The following HMCN1 variants were observed in gnomAD, a reference collection of about 807,000 sequenced individuals.
HMCN1 encodes hemicentin-1.
In HMCN1, 321 loss-of-function variants were observed where a neutral mutation model predicts 625.9. The ratio of observed to expected loss-of-function variants is 0.51; its 90% CI spans 0.47 to 0.56. The LOEUF is 0.56. Ranked by LOEUF, HMCN1 falls within the 20% of genes least tolerant of loss-of-function variation. The probability of loss-of-function intolerance (pLI) is 0.00; values close to 1 mark genes in which losing one functional copy is unlikely to be tolerated. For synonymous variants in HMCN1, 2,425 were observed against 2,417.6 expected, an observed-to-expected ratio of 1.00 and a Z score of -0.09; for missense variants, 6,588 against 6,887.3, an observed-to-expected ratio of 0.96 and a Z score of 1.54.
At chr1:185,763,861 A>G (rs1478057935) in intron 1 of HMCN1, among the ~76,000 whole-genome samples, 1 of 152,214 alleles carries the variant, frequency 6.6e-6, no homozygotes, top group Non-Finnish European at 1.5e-5. Context: ...CATTTCTAAC[A>G]TTCTTGTATT....
At chr1:186,144,075 G>A in intron 89 of HMCN1, 98 bp from the exon 90 acceptor site, 3 of 996,976 alleles carry the variant, frequency 3.0e-6, no homozygotes, top group African/African-American at 3.2e-5. Flanking sequence ...TTAGATTGGG[G>A]ACTAATTAGC....
At position 185,893,579 on chromosome 1, in the gene HMCN1, T is replaced by C. The variant is rs556732752; in HGVS notation, c.622-15758T>C. Among the ~76,000 whole-genome samples the C allele has an allele frequency of 2.0e-3, 298 of 152,322 alleles. 1 individual carries two copies. In the Middle Eastern group the frequency reaches 0.027, roughly 14 times the overall value. ...GTGTGTGGTATATTGCCCAGCATCA[T>C]TGTAAATTTTGCTACCACGGAAACG... On this transcript the variant is annotated intron_variant, in intron 4 of 106. Coordinates refer to ENST00000271588, the MANE Select transcript of HMCN1 (RefSeq NM_031935.3).
rs184614927 is a variant in HMCN1 at position 185,971,801 on chromosome 1, G to T, written c.2371+1308G>T. The stretch of plus-strand genomic sequence containing the variant: ...TGTCTGGTGAACACTCTGCATTCTT[G>T]GTGATTATGCCCTTGGGGGAGAATC... On this transcript the variant is annotated intron_variant, in intron 15 of 106. Transcript: ENST00000271588. Among the ~76,000 whole-genome samples, 82 of 152,092 alleles carry T rather than the reference G, an allele frequency of 5.4e-4. 1 individual carries two copies. In the East Asian group the frequency reaches 0.013, roughly 24 times the overall value.
chr1:185,775,228 C>A (rs1439982901), intron 1 of HMCN1, among the ~76,000 whole-genome samples: 1 of 152,010 alleles, frequency 6.6e-6, no homozygotes, highest in Non-Finnish European at 1.5e-5. Context: ...ATAAAAACTT[C>A]AAGAATAAGT....
intron 4 of HMCN1, among the ~76,000 whole-genome samples, chr1:185,873,061 G>A (rs1160043562): frequency 1.3e-5 from 2 of 151,856 alleles, no homozygotes; most frequent in Middle Eastern, 3.2e-3. Context: ...GTTACTTAAG[G>A]GTAAACACTA....
intron 70 of HMCN1, 143 bp from the exon 71 acceptor site, chr1:186,108,318 A>G: frequency 7.6e-7 from 1 of 1,320,932 alleles, no homozygotes; most frequent in Non-Finnish European, 1.0e-6. Flanking sequence ...AACACTTCCC[A>G]CTGTTTGTAA....
At chr1:186,076,400 A>G (rs1198140007) in intron 53 of HMCN1, 28 bp from the exon 54 acceptor site, 1 of 1,597,614 alleles carries the variant, frequency 6.3e-7, no homozygotes, top group East Asian at 2.2e-5. Flanking sequence ...TTTATATGTG[A>G]CCAACATTTA....
chr1:185,740,912 C>G (rs913228883), intron 1 of HMCN1, among the ~76,000 whole-genome samples: 1 of 151,994 alleles, frequency 6.6e-6, no homozygotes, highest in African/African-American at 2.4e-5. Context: ...TAGAATCGCT[C>G]GAACCCTGGA....
chr1:185,943,480 G>A (rs1231694928), intron 11 of HMCN1, among the ~76,000 whole-genome samples: 4 of 152,206 alleles, frequency 2.6e-5, no homozygotes, highest in Admixed American at 2.6e-4. Context: ...ATTCTGTTGA[G>A]TGGTATTAGA....
chr1:186,006,403 T>C (rs561075656), intron 29 of HMCN1, among the ~76,000 whole-genome samples: 130 of 152,194 alleles, frequency 8.5e-4, no homozygotes, highest in African/African-American at 3.0e-3. Flanking sequence ...ACTTTAAAGG[T>C]ATGAGTCTTA....
chr1:185,979,351 G>GT (rs1651457630), intron 16 of HMCN1, among the ~76,000 whole-genome samples: 2 of 152,056 alleles, frequency 1.3e-5, no homozygotes, highest in Admixed American at 6.6e-5. Flanking sequence ...TGAGAGAAAG[G>GT]GAACATTGAA....
intron 52 of HMCN1, among the ~76,000 whole-genome samples, chr1:186,071,441 A>G (rs1204421482): frequency 6.6e-6 from 1 of 152,158 alleles, no homozygotes; most frequent in Non-Finnish European, 1.5e-5. Flanking sequence ...ATGTTCTTCC[A>G]TGCATGTTTT....
chr1:185,900,616 G>A (rs1665750378), intron 4 of HMCN1, among the ~76,000 whole-genome samples: 1 of 151,762 alleles, frequency 6.6e-6, no homozygotes, highest in African/African-American at 2.4e-5. Flanking sequence ...TGAAATGATT[G>A]GACCTTTGGA....
intron 15 of HMCN1, among the ~76,000 whole-genome samples, chr1:185,976,071 T>C (rs1282065189): frequency 6.6e-6 from 1 of 152,122 alleles, no homozygotes; most frequent in Non-Finnish European, 1.5e-5. Flanking sequence ...AAAAAACAAA[T>C]GTAGTCTAAC....
chr1:186,012,024 A>G (rs765793982), intron 30 of HMCN1, among the ~76,000 whole-genome samples: 2 of 152,192 alleles, frequency 1.3e-5, no homozygotes, highest in East Asian at 1.9e-4. Flanking sequence ...CAGTCAGGAT[A>G]TTCAGTTTGA....
rs145843727 is a variant in HMCN1, at chr1:186,161,071, C to A, written c.15257-4040C>A. Among the ~76,000 whole-genome samples the A allele has an allele frequency of 1.5e-3, 234 of 152,238 alleles. 4 individuals are homozygous for A. The South Asian group carries it at 0.029, about 19-fold the overall frequency. On this transcript the variant is annotated intron_variant, in intron 97 of 106. Coordinates refer to ENST00000271588, the MANE Select transcript of HMCN1 (RefSeq NM_031935.3). ...TGGGAGTCTAAGTCTCTTTCTAGGT[C>A]TCTAAGGACTTGCTTTATGAATCTG...
intron 89 of HMCN1, among the ~76,000 whole-genome samples, chr1:186,141,143 G>C (rs1366015554): frequency 6.6e-6 from 1 of 152,026 alleles, no homozygotes; most frequent in Non-Finnish European, 1.5e-5. Context: ...TTCACAATAG[G>C]GTTCGCACTC....
chr1:186,034,744 G>A lies in HMCN1; in HGVS notation c.5750-3190G>A, dbSNP rs186675379. ...AACTCACTGTTCTTAATGAAATTTA[G>A]CATTTATTTTTAATAAATACTTTTT... On this transcript the variant is annotated intron_variant, in intron 36 of 106. Coordinates refer to ENST00000271588, the MANE Select transcript of HMCN1 (RefSeq NM_031935.3). 8.9e-4 allele frequency among the ~76,000 whole-genome samples: 136 copies of A among 152,210 alleles called. 1 individual carries two copies. The highest frequency in any genetic ancestry group is 1.9e-3 in the East Asian group (10 of 5,178).
At position 186,087,924 on chromosome 1, in the gene HMCN1, T is replaced by G; in HGVS notation, c.9364-8T>G. The G allele has an allele frequency of 6.2e-7, 1 of 1,609,474 alleles. No individual in the cohort carries two copies. The highest frequency in any genetic ancestry group is 1.1e-5 in the South Asian group (1 of 90,996). ...TGGAGCACATACAATAGTATCTTTT[T>G]CTTTTAGGTATCTGACACAGGCCAG... is the stretch of plus-strand genomic sequence containing the variant. On this transcript the variant is annotated splice_region_variant and splice_polypyrimidine_tract_variant and intron_variant, in intron 60 of 106. Transcript: ENST00000271588.
Sources: gnomAD v4.1 joint callset for allele counts (sites outside exome capture counted in the v4.1 genomes callset) on GRCh38, gnomAD v4.1.1 for gene constraint, MANE v1.5 for transcripts, NCBI Gene and HGNC (gene_info 2026-07-23, HGNC 2026-07-21) for gene names.